Variants in BAIAP2L1 observed in about 807,000 individuals in gnomAD.
BAIAP2L1 encodes BAR/IMD domain-containing adapter protein 2-like 1.
BAIAP2L1 carries 35 observed loss-of-function variants against 66.3 expected under a neutral mutation model. The ratio of observed to expected loss-of-function variants is 0.53; its 90% CI spans 0.40 to 0.70. BAIAP2L1 has a LOEUF of 0.70. Ranked by LOEUF, BAIAP2L1 falls within the 30% of genes least tolerant of loss-of-function variation. BAIAP2L1 has a pLI of 0.00. For missense variants in BAIAP2L1, 622 were observed against 656.9 expected (o/e 0.95, Z 0.58); for synonymous variants, 269 against 248.7 (o/e 1.08, Z -0.77).
At chr7:98,319,649 C>T (rs1432477992) in intron 5 of BAIAP2L1, among the ~76,000 whole-genome samples, 1 of 151,422 alleles carries the variant, frequency 6.6e-6, no homozygotes, top group Non-Finnish European at 1.5e-5. Context: ...CCGGTTCAAG[C>T]CATTCTCCTG....
chr7:98,318,602 G>A (rs147141257), intron 5 of BAIAP2L1, among the ~76,000 whole-genome samples: 3,000 of 151,328 alleles, frequency 0.02, 101 homozygotes, highest in African/African-American at 0.069. Context: ...AAACGGACCC[G>A]CGTCAGAATT....
intron 2 of BAIAP2L1, among the ~76,000 whole-genome samples, chr7:98,360,625 GAAAA>G (rs879620941): frequency 3.7e-5 from 4 of 108,312 alleles, no homozygotes. Context: ...ATGCTAGAAA[GAAAA>G]AAAAAAAAAG....
chr7:98,312,380 G>A, intron 7 of BAIAP2L1, 116 bp from the exon 8 acceptor site: 2 of 1,178,938 alleles, frequency 1.7e-6, no homozygotes, highest in Non-Finnish European at 2.4e-6. Context: ...AGGAGTGTGG[G>A]GGCCCTGGGT....
rs575968778 is a variant in BAIAP2L1 at position 98,385,120 on chromosome 7, C to T, written c.51+15682G>A. Among the ~76,000 whole-genome samples the T allele has an allele frequency of 1.1e-4, 17 of 151,986 alleles. No individual in the cohort carries two copies. In the South Asian group the frequency reaches 3.5e-3, roughly 32 times the overall value. ...GCCAGGAATTCAAGACCAGCCTGGC[C>T]AACATGGTGAAACCCCATCTCTACT... On this transcript the variant is annotated intron_variant, in intron 1 of 13. Transcript: ENST00000005260.
intron 1 of BAIAP2L1, among the ~76,000 whole-genome samples, chr7:98,365,271 GTC>G (rs1802368902): frequency 6.6e-6 from 1 of 151,744 alleles, no homozygotes; most frequent in East Asian, 1.9e-4. Flanking sequence ...TTTATTTCTT[GTC>G]TCTTCATTCT....
At chr7:98,363,768 T>C (rs577203521) in intron 1 of BAIAP2L1, among the ~76,000 whole-genome samples, 32 of 152,158 alleles carry the variant, frequency 2.1e-4, no homozygotes, top group African/African-American at 6.5e-4. Context: ...TCCATTTATA[T>C]AGACGACCAG....
intron 3 of BAIAP2L1, among the ~76,000 whole-genome samples, chr7:98,347,572 G>A (rs1312725242): frequency 6.6e-6 from 1 of 151,942 alleles, no homozygotes; most frequent in Admixed American, 6.6e-5. Context: ...TCAGGAGATC[G>A]AGACCATCCT....
Position 98,307,874 on chromosome 7 carries a change from T to C in BAIAP2L1, c.978A>G (p.Leu326=). 2 of 1,614,248 alleles carry C rather than the reference T, an allele frequency of 1.2e-6. No homozygotes were observed. The highest frequency in any genetic ancestry group is 1.7e-6 in the Non-Finnish European group (2 of 1,180,038). ...CCGTTGCAACCGAAACTGATCGCTG[T>C]AAACTGGGATCTTCGGAAGTACCTG... ...NSTGTSEDPS[L]QRSVSVATGL... The change falls in exon 10 of 14, where the codon TTA becomes TTG. Residue 326 remains leucine, a synonymous_variant. Transcript: ENST00000005260.
rs566035769 is a variant in BAIAP2L1 at position 98,344,762 on chromosome 7, C to T, written c.214+10280G>A. On this transcript the variant is annotated intron_variant, in intron 3 of 13. Coordinates refer to ENST00000005260, the MANE Select transcript of BAIAP2L1 (RefSeq NM_018842.5). ...CCAGCCTGACCAACATGGTGAAACC[C>T]CGTCTCTACTAAAAATGCAAAAAAT... Among the ~76,000 whole-genome samples the T allele has an allele frequency of 7.2e-5, 11 of 152,300 alleles. 1 individual carries two copies. In the South Asian group the frequency reaches 2.3e-3, roughly 32 times the overall value.
chr7:98,332,697 T>C (rs1331163513), intron 3 of BAIAP2L1, among the ~76,000 whole-genome samples: 3 of 148,816 alleles, frequency 2.0e-5, no homozygotes, highest in East Asian at 4.0e-4. Flanking sequence ...TAATCCTAGC[T>C]ACTCAGGAGG....
intron 3 of BAIAP2L1, among the ~76,000 whole-genome samples, chr7:98,325,533 C>T (rs1296078365): frequency 1.3e-5 from 2 of 151,986 alleles, no homozygotes; most frequent in African/African-American, 4.8e-5. Flanking sequence ...CAAAAATTAG[C>T]CGGGCTTGGT....
chr7:98,399,332 C>T (rs575222871), intron 1 of BAIAP2L1, among the ~76,000 whole-genome samples: 30 of 152,256 alleles, frequency 2.0e-4, no homozygotes, highest in African/African-American at 7.0e-4. Context: ...TTAAGATAAA[C>T]GGAACGGATC....
chr7:98,353,823 G>T (rs555549637), intron 3 of BAIAP2L1, among the ~76,000 whole-genome samples: 12 of 150,054 alleles, frequency 8.0e-5, no homozygotes, highest in African/African-American at 2.9e-4. Flanking sequence ...TTAGCCAGGC[G>T]TGGTGGCGGG....
At chr7:98,334,581 G>A (rs911332068) in intron 3 of BAIAP2L1, among the ~76,000 whole-genome samples, 2 of 151,958 alleles carry the variant, frequency 1.3e-5, no homozygotes, top group Admixed American at 6.6e-5. Flanking sequence ...GTCTTGCTCC[G>A]TCACCCAGGC....
chr7:98,386,662 C>G, intron 1 of BAIAP2L1: 1 of 780,956 alleles, frequency 1.3e-6, no homozygotes, highest in Non-Finnish European at 2.0e-6. Flanking sequence ...TGTCTCTCAT[C>G]GACTTCTCTC....
intron 1 of BAIAP2L1, chr7:98,385,971 A>C: frequency 3.4e-6 from 5 of 1,491,224 alleles, no homozygotes; most frequent in Non-Finnish European, 4.6e-6. Flanking sequence ...CATCATGGAG[A>C]GGATAAATAG....
chr7:98,399,642 TAAAAC>T (rs1470240831), intron 1 of BAIAP2L1, among the ~76,000 whole-genome samples: 1 of 152,206 alleles, frequency 6.6e-6, no homozygotes. Flanking sequence ...TAGGCTGAAT[TAAAAC>T]AAAAGTTGTT....
Position 98,310,546 on chromosome 7 carries a change from G to A in BAIAP2L1, c.854C>T (p.Pro285Leu), listed in dbSNP as rs1800828782. 6.3e-7 allele frequency: 1 copy of A among 1,592,884 alleles called. No homozygotes were observed. The highest frequency in any genetic ancestry group is 8.5e-7 in the Non-Finnish European group (1 of 1,174,082). ...ATATGCTCTGCCTGAAGGAGCGGGG[G>A]GCATCTTTGGTGAGCATTTAGAAAG... ...DTLSKCSPKMPPAPSGRAYTS... is the reference protein window; with the variant it reads ...DTLSKCSPKMLPAPSGRAYTS... Residue 285 changes from proline to leucine, a missense_variant, in exon 9 of 14, where the codon CCC becomes CTC. Physicochemically the swap from Pro to Leu is moderately conservative, Grantham distance 98. Coordinates refer to ENST00000005260, the MANE Select transcript of BAIAP2L1 (RefSeq NM_018842.5).
At chr7:98,308,371 T>TCA (rs944466582) in intron 9 of BAIAP2L1, 1 of 441,298 alleles carries the variant, frequency 2.3e-6, no homozygotes, top group Non-Finnish European at 4.6e-6. Flanking sequence ...GCTCAGCTTC[T>TCA]CACCCCCAGG....
Sources: allele counts gnomAD v4.1 joint callset (sites outside exome capture counted in the v4.1 genomes callset), GRCh38; gene constraint gnomAD v4.1.1; transcripts MANE v1.5; gene names NCBI Gene and HGNC (gene_info 2026-07-23, HGNC 2026-07-21).